The following COL25A1 variants were observed in gnomAD, a reference collection of about 807,000 sequenced individuals.
The protein encoded by COL25A1 is collagen alpha-1(XXV) chain.
A neutral mutation model predicts 128.4 loss-of-function variants in COL25A1; 103 were observed. The ratio of observed to expected loss-of-function variants is 0.80; its 90% CI spans 0.68 to 0.94. COL25A1 has a LOEUF of 0.94. Among genes scored for constraint, COL25A1 ranks in the 40% least tolerant of loss-of-function variants. COL25A1 has a pLI of 0.00. For synonymous variants in COL25A1, 279 were observed against 277.2 expected, an observed-to-expected ratio of 1.01 and a Z score of -0.06; for missense variants, 745 against 840.0, an observed-to-expected ratio of 0.89 and a Z score of 1.40.
intron 31 of COL25A1, chr4:108,838,220 G>T: frequency 7.3e-7 from 1 of 1,375,168 alleles, no homozygotes; most frequent in Non-Finnish European, 1.0e-6. Context: ...GCTATTATGG[G>T]TGTTTAAACT....
intron 3 of COL25A1, among the ~76,000 whole-genome samples, chr4:109,138,897 C>T (rs1414631816): frequency 5.9e-5 from 9 of 151,948 alleles, no homozygotes; most frequent in Non-Finnish European, 7.4e-5. Flanking sequence ...TTAGTAGAGA[C>T]GGGGTTTCAC....
At chr4:108,960,775 T>TA (rs138257481) in intron 8 of COL25A1, among the ~76,000 whole-genome samples, 1,525 of 152,242 alleles carry the variant, frequency 0.01, 24 homozygotes, top group African/African-American at 0.034. Flanking sequence ...GAAGTCAAGG[T>TA]AAATATTTGC....
intron 3 of COL25A1, among the ~76,000 whole-genome samples, chr4:109,130,276 C>G (rs1769058326): frequency 6.6e-6 from 1 of 152,076 alleles, no homozygotes; most frequent in South Asian, 2.1e-4. Flanking sequence ...ATATAGTGCT[C>G]TACATTATAA....
intron 3 of COL25A1, among the ~76,000 whole-genome samples, chr4:109,190,897 G>C (rs1775550116): frequency 6.6e-6 from 1 of 152,142 alleles, no homozygotes; most frequent in Admixed American, 6.5e-5. Flanking sequence ...TTCACCTGCT[G>C]TTTCACATAA....
At chr4:109,288,551 G>A (rs1724117371) in intron 3 of COL25A1, among the ~76,000 whole-genome samples, 1 of 151,972 alleles carries the variant, frequency 6.6e-6, no homozygotes, top group Non-Finnish European at 1.5e-5. Flanking sequence ...TGGTTCCCTG[G>A]AAGTACAGAA....
At chr4:109,038,180 G>A (rs1759536333) in intron 5 of COL25A1, among the ~76,000 whole-genome samples, 2 of 152,198 alleles carry the variant, frequency 1.3e-5, no homozygotes, top group Non-Finnish European at 2.9e-5. Context: ...ACAAATACTA[G>A]TCTAGATGTT....
At chr4:109,092,876 G>A (rs1313086729) in intron 3 of COL25A1, among the ~76,000 whole-genome samples, 3 of 152,106 alleles carry the variant, frequency 2.0e-5, no homozygotes, top group Non-Finnish European at 4.4e-5. Context: ...CACTCAATCT[G>A]TGTGAACCTC....
intron 3 of COL25A1, among the ~76,000 whole-genome samples, chr4:109,190,687 T>C (rs1048596287): frequency 1.3e-5 from 2 of 152,228 alleles, no homozygotes; most frequent in Non-Finnish European, 2.9e-5. Context: ...TAATTTCTTC[T>C]TGAAGAAAAT....
intron 30 of COL25A1, among the ~76,000 whole-genome samples, chr4:108,843,689 G>A (rs1696834078): frequency 6.6e-6 from 1 of 152,004 alleles, no homozygotes; most frequent in Non-Finnish European, 1.5e-5. Flanking sequence ...AACAATATAT[G>A]TTATCTGAGG....
chr4:109,184,116 G>A (rs372059799), intron 3 of COL25A1, among the ~76,000 whole-genome samples: 1 of 152,268 alleles, frequency 6.6e-6, no homozygotes, highest in East Asian at 1.9e-4. Context: ...AGGTTTCCAT[G>A]ACTGAGCAAG....
chr4:109,031,434 T>A (rs2004860), intron 5 of COL25A1, among the ~76,000 whole-genome samples: 72,010 of 150,744 alleles, frequency 0.48, 18,544 homozygotes, highest in African/African-American at 0.65. Context: ...ATACTTTTTT[T>A]AAAAAAAAAG....
intron 35 of COL25A1, chr4:108,823,890 A>T (rs1732063109): frequency 5.1e-6 from 7 of 1,380,938 alleles, no homozygotes; most frequent in Non-Finnish European, 6.5e-6. Flanking sequence ...TTTTTCAAAA[A>T]TCCTTTATTT....
At chr4:108,861,412 G>T (rs1049386392) in intron 22 of COL25A1, among the ~76,000 whole-genome samples, 1 of 151,838 alleles carries the variant, frequency 6.6e-6, no homozygotes, top group African/African-American at 2.4e-5. Context: ...GGAGTAGAGA[G>T]CTCATTCTAG....
intron 3 of COL25A1, among the ~76,000 whole-genome samples, chr4:109,077,748 T>C (rs766341483): frequency 2.6e-5 from 4 of 152,174 alleles, no homozygotes; most frequent in Admixed American, 1.3e-4. Context: ...TATGTCATAA[T>C]AGATGGTGTT....
At chr4:109,145,047 T>A (rs1355745464) in intron 3 of COL25A1, among the ~76,000 whole-genome samples, 2 of 150,738 alleles carry the variant, frequency 1.3e-5, no homozygotes, top group Non-Finnish European at 3.0e-5. Flanking sequence ...GTAAGCAAAA[T>A]TTTTCAACTA....
Position 108,882,588 on chromosome 4 carries a change from G to A in COL25A1, c.1020+1590C>T, listed in dbSNP as rs548460641. Among the ~76,000 whole-genome samples, 19 of 152,176 alleles carry A rather than the reference G, an allele frequency of 1.2e-4. 1 individual carries two copies. In the South Asian group the frequency reaches 2.5e-3, roughly 20 times the overall value. On this transcript the variant is annotated intron_variant, in intron 19 of 37. Transcript: ENST00000399132. The stretch of plus-strand genomic sequence containing the variant: ...TATTTGTAAAAAGCCATCTTTGTGT[G>A]TGTGTGTGTTACTAAGAAATGCCAT...
chr4:108,834,243 T>TCG (rs1200133339), intron 31 of COL25A1: 1 of 1,138,160 alleles, frequency 8.8e-7, no homozygotes, highest in African/African-American at 1.6e-5. Flanking sequence ...TTACTCCAGC[T>TCG]CTAAGTACAC....
At chr4:109,129,890 T>C (rs1243002550) in intron 3 of COL25A1, among the ~76,000 whole-genome samples, 6 of 151,998 alleles carry the variant, frequency 3.9e-5, no homozygotes, top group Non-Finnish European at 7.4e-5. Context: ...TTGGGAGATA[T>C]ACCTAATGCT....
At chr4:108,893,764 G>A in intron 16 of COL25A1, among the ~76,000 whole-genome samples, 1 of 152,042 alleles carries the variant, frequency 6.6e-6, no homozygotes, top group East Asian at 1.9e-4. Flanking sequence ...TGAACACAAA[G>A]GCCATAAGAA....
Sources: allele counts gnomAD v4.1 joint callset (sites outside exome capture counted in the v4.1 genomes callset), GRCh38; gene constraint gnomAD v4.1.1; transcripts MANE v1.5; gene names NCBI Gene and HGNC (gene_info 2026-07-23, HGNC 2026-07-21).